AUTS2: variants seen among roughly 807,000 people sequenced by gnomAD.
AUTS2 encodes activator of transcription and developmental regulator AUTS2, also known as autism susceptibility gene 2 protein.
Under a neutral mutation model 112.4 loss-of-function variants are expected in AUTS2, and 17 were observed. The observed-to-expected ratio is 0.15, with a 90% CI of 0.10 to 0.23. The LOEUF (loss-of-function observed/expected upper bound fraction) is 0.23, where lower values mean the gene tolerates loss of function less well. Ranked by LOEUF, AUTS2 falls within the 10% of genes least tolerant of loss-of-function variation. AUTS2 has a pLI of 1.00. For synonymous variants in AUTS2, 751 were observed against 702.7 expected (o/e 1.07, Z -1.09); for missense variants, 1,510 against 1,701.6 (o/e 0.89, Z 1.98).
At chr7:70,164,440 G>A (rs879937342) in intron 4 of AUTS2, among the ~76,000 whole-genome samples, 1 of 152,140 alleles carries the variant, frequency 6.6e-6, no homozygotes, top group Non-Finnish European at 1.5e-5. Context: ...CTGTAAGACT[G>A]TGACAGTTTC....
intron 1 of AUTS2, among the ~76,000 whole-genome samples, chr7:69,773,826 G>A (rs1294643461): frequency 6.6e-6 from 1 of 152,206 alleles, no homozygotes; most frequent in African/African-American, 2.4e-5. Flanking sequence ...CTACCGTGTA[G>A]CAAAAAAATA....
intron 2 of AUTS2, among the ~76,000 whole-genome samples, chr7:69,908,393 A>G (rs1321941075): frequency 6.6e-6 from 1 of 152,226 alleles, no homozygotes; most frequent in Non-Finnish European, 1.5e-5. Context: ...TGATGATTTT[A>G]TATCAGGCAG....
rs745713755 is a variant in AUTS2, at chr7:70,784,962, A to T, written c.2167A>T (p.Thr723Ser). The change falls in exon 16 of 19, where the codon ACC (threonine) becomes TCC (serine). Residue 723 changes from threonine (T) to serine (S), a missense_variant. Coordinates refer to ENST00000342771, the MANE Select transcript of AUTS2 (RefSeq NM_015570.4). ...AACAGGTGCTGCACACCCAACTGGG[A>T]CCCCTTTTGGGCCACCTCCTCATCA... ...SAAGAAHPTG[T>S]PFGPPPHHSN... The T allele has an allele frequency of 3.1e-6, 5 of 1,613,826 alleles. No individual in the cohort carries two copies. The highest frequency in any genetic ancestry group is 4.2e-6 in the Non-Finnish European group (5 of 1,180,006).
intron 2 of AUTS2, among the ~76,000 whole-genome samples, chr7:69,986,666 C>G (rs1314834640): frequency 2.0e-5 from 3 of 152,182 alleles, no homozygotes; most frequent in Non-Finnish European, 4.4e-5. Context: ...TAGAAGGGAA[C>G]AATAGAAAGT....
chr7:70,408,046 T>G lies in AUTS2; in HGVS notation c.661-27706T>G, dbSNP rs531070295. ...TCCAGCCTGGGCGACAGAGCGAGAC[T>G]CCATCTCAAAAAAAAAAAAAAAAAA... On this transcript the variant is annotated intron_variant, in intron 4 of 18. Transcript: ENST00000342771. 3.5e-3 allele frequency among the ~76,000 whole-genome samples: 463 copies of G among 131,314 alleles called. 2 individuals are homozygous for G. The highest frequency in any genetic ancestry group is 0.013 in the African/African-American group (435 of 34,080). 86.1% of individuals were successfully genotyped at this position (131,314 alleles called of 152,430 possible).
chr7:70,530,421 G>A (rs751393614), intron 5 of AUTS2, among the ~76,000 whole-genome samples: 1 of 152,118 alleles, frequency 6.6e-6, no homozygotes, highest in Non-Finnish European at 1.5e-5. Context: ...TGTGAGCATG[G>A]GTCTCTGGGG....
intron 4 of AUTS2, among the ~76,000 whole-genome samples, chr7:70,424,840 G>A (rs73175925): frequency 0.094 from 14,352 of 152,194 alleles, 767 homozygotes; most frequent in Middle Eastern, 0.18. Flanking sequence ...TCCCGCCTCA[G>A]TCTTCCAAAG....
At chr7:70,261,805 A>T (rs898973273) in intron 4 of AUTS2, among the ~76,000 whole-genome samples, 4 of 152,182 alleles carry the variant, frequency 2.6e-5, no homozygotes, top group Non-Finnish European at 5.9e-5. Context: ...CACTATAGGG[A>T]GTAGGAAAGC....
intron 2 of AUTS2, among the ~76,000 whole-genome samples, chr7:69,986,149 G>A (rs1289077120): frequency 1.3e-5 from 2 of 152,104 alleles, no homozygotes; most frequent in Non-Finnish European, 2.9e-5. Flanking sequence ...CTTTGTAAAT[G>A]TATTTGCTTA....
chr7:69,780,030 C>G (rs1789080563), intron 1 of AUTS2, among the ~76,000 whole-genome samples: 1 of 151,900 alleles, frequency 6.6e-6, no homozygotes, highest in African/African-American at 2.4e-5. Flanking sequence ...TAAAATTTTC[C>G]ATCTTTTCTA....
intron 1 of AUTS2, among the ~76,000 whole-genome samples, chr7:69,617,350 C>T (rs1548748): frequency 0.85 from 129,098 of 152,136 alleles, 55,030 homozygotes; most frequent in African/African-American, 0.93. Context: ...AGATAAGGCT[C>T]CTCTGAGGAG....
chr7:70,212,307 A>G (rs763407999), intron 4 of AUTS2, among the ~76,000 whole-genome samples: 51 of 152,176 alleles, frequency 3.4e-4, no homozygotes, highest in Non-Finnish European at 5.7e-4. Context: ...GTACAGGGAG[A>G]GAAATCAGTT....
At chr7:70,485,190 C>T (rs1389192345) in intron 5 of AUTS2, among the ~76,000 whole-genome samples, 1 of 152,132 alleles carries the variant, frequency 6.6e-6, no homozygotes, top group Admixed American at 6.5e-5. Context: ...CATATGTTTA[C>T]AGTAGCACAG....
In AUTS2 at chr7:70,694,578, T is replaced by G; in HGVS notation, c.691-3991T>G. On this transcript the variant is annotated intron_variant, in intron 5 of 18. Transcript: ENST00000342771. The surrounding 1 kb of genome is among the most constrained non-coding windows in gnomAD (Gnocchi z 4.1). ...GTCGCCGCCGCCGCCGCCTCGCTCT[T>G]AGCTCCGCGCGCCGCGGCGGCGGCT... is the stretch of plus-strand genomic sequence containing the variant. 2 of 147,050 alleles carry G rather than the reference T, an allele frequency of 1.4e-5. No individual in the cohort carries two copies. Among genetic ancestry groups the G allele is most frequent in the Admixed American group, 6.7e-5 (1 of 14,894 alleles). The allele number at this position is 147,050 out of a possible 1,614,324, so 9.1% of individuals were successfully genotyped here. A position where few individuals can be genotyped will look rare whatever the true frequency, so the allele number is the denominator to read the frequency against.
chr7:69,913,791 A>C (rs914767472), intron 2 of AUTS2, among the ~76,000 whole-genome samples: 2 of 152,174 alleles, frequency 1.3e-5, no homozygotes, highest in Non-Finnish European at 2.9e-5. Flanking sequence ...CCAGTTATCC[A>C]GTGCTGTTTC....
At chr7:69,647,458 C>T (rs1407828075) in intron 1 of AUTS2, among the ~76,000 whole-genome samples, 1 of 151,948 alleles carries the variant, frequency 6.6e-6, no homozygotes, top group African/African-American at 2.4e-5. Flanking sequence ...TTGAGTGATC[C>T]TCCCATCTCA....
intron 1 of AUTS2, among the ~76,000 whole-genome samples, chr7:69,810,067 C>A (rs1056204453): frequency 6.6e-6 from 1 of 152,158 alleles, no homozygotes; most frequent in African/African-American, 2.4e-5. Flanking sequence ...AGAACCTGAC[C>A]GTGTGACTCT....
chr7:69,602,415 C>A (rs1583920151), intron 1 of AUTS2, among the ~76,000 whole-genome samples: 1 of 152,020 alleles, frequency 6.6e-6, no homozygotes, highest in East Asian at 1.9e-4. Context: ...AAAGGTCTAA[C>A]TTTTAAAAAA....
At chr7:70,524,922 C>T (rs550531608) in intron 5 of AUTS2, among the ~76,000 whole-genome samples, 9 of 152,238 alleles carry the variant, frequency 5.9e-5, no homozygotes, top group South Asian at 2.1e-4. Context: ...TATGTCAGCT[C>T]GTCAGTGAAA....
Sources: gnomAD v4.1 joint callset for allele counts (sites outside exome capture counted in the v4.1 genomes callset) on GRCh38, gnomAD v4.1.1 for gene constraint, Gnocchi (gnomAD v3.1) non-coding constraint, MANE v1.5 for transcripts, NCBI Gene and HGNC (gene_info 2026-07-23, HGNC 2026-07-21) for gene names.